Variants in TMEM39A observed in about 807,000 individuals in gnomAD.
TMEM39A encodes the protein suppressor of SQST-1 aggregates in rpl-43 mutants.
A neutral mutation model predicts 51.9 loss-of-function variants in TMEM39A; 19 were observed. The ratio of observed to expected loss-of-function variants is 0.37; its 90% confidence interval spans 0.26 to 0.54. TMEM39A has a LOEUF of 0.54. TMEM39A is among the 20% of genes least tolerant of loss of function. The pLI is 0.88. For synonymous variants in TMEM39A, 197 were observed against 220.2 expected, an observed-to-expected ratio of 0.89 and a Z score of 0.93; for missense variants, 433 against 590.5, an observed-to-expected ratio of 0.73 and a Z score of 2.76.
At chr3:119,447,392 T>G (rs1237015694) in intron 4 of TMEM39A, among the ~76,000 whole-genome samples, 1 of 152,172 alleles carries the variant, frequency 6.6e-6, no homozygotes, top group Non-Finnish European at 1.5e-5. Context: ...GAGAGTGCCA[T>G]CTACAGAACT....
At position 119,462,049 on chromosome 3, in the gene TMEM39A, C is replaced by T; in HGVS notation, c.26G>A (p.Ser9Asn). The T allele has an allele frequency of 3.1e-6, 5 of 1,614,162 alleles. No homozygotes were observed. Among genetic ancestry groups the T allele is most frequent in the Non-Finnish European group, 4.2e-6 (5 of 1,180,000 alleles). ...AGCTGAACGGCTTAGCTGTTGCCGA[C>T]TAGGGCCCCTCCTTCCACCGGGCAT... MPGGRRGP[S>N]RQQLSRSALP... Residue 9 changes from serine to asparagine, a missense_variant, in exon 2 of 9, where the codon AGT becomes AAT. Ser to Asn is a conservative substitution (Grantham distance 46). Around this residue, in one of 3 missense-constraint regions of TMEM39A, gnomAD observed 170 missense variants for 239.8 expected, o/e 0.71. Coordinates refer to ENST00000319172, the MANE Select transcript of TMEM39A (RefSeq NM_018266.3).
chr3:119,434,951 G>T, intron 7 of TMEM39A, 69 bp from the exon 8 acceptor site: 1 of 1,554,652 alleles, frequency 6.4e-7, no homozygotes. Context: ...GGCAAGGCCA[G>T]CTGTATTTTT....
At chr3:119,448,530 T>C (rs1210489950) in intron 4 of TMEM39A, among the ~76,000 whole-genome samples, 1 of 152,212 alleles carries the variant, frequency 6.6e-6, no homozygotes, top group South Asian at 2.1e-4. Context: ...ATATACAGCA[T>C]ATATACGTAA....
At chr3:119,445,378 C>T (rs1249925635) in intron 5 of TMEM39A, among the ~76,000 whole-genome samples, 2 of 152,160 alleles carry the variant, frequency 1.3e-5, no homozygotes, top group Non-Finnish European at 2.9e-5. Context: ...GATTCTTCTG[C>T]CTCAGCCTCC....
chr3:119,456,457 A>G (rs935435537), intron 3 of TMEM39A, among the ~76,000 whole-genome samples: 1 of 152,226 alleles, frequency 6.6e-6, no homozygotes, highest in Admixed American at 6.5e-5. Context: ...AAAAATTTTT[A>G]TTCTCTTTCC....
intron 5 of TMEM39A, among the ~76,000 whole-genome samples, chr3:119,440,354 A>T (rs2081034465): frequency 6.6e-6 from 1 of 152,242 alleles, no homozygotes; most frequent in Admixed American, 6.5e-5. Context: ...AAAGAAAATA[A>T]TTCATTAAAG....
chr3:119,434,809 G>A lies in TMEM39A; in HGVS notation c.1186C>T (p.Pro396Ser). 1.9e-6 allele frequency: 3 copies of A among 1,613,742 alleles called. No homozygotes were observed. The highest frequency in any genetic ancestry group is 2.5e-6 in the Non-Finnish European group (3 of 1,179,714). ...HSRCLYRAMG[P>S]YNVAVPSDVS... is the part of the protein sequence containing the mutation. ...TCTGAAGGCACTGCCACGTTGTAAG[G>A]CCCCATGGCTCTATATAAACATCTG... Residue 396 changes from proline (P) to serine (S), a missense_variant, in exon 8 of 9, where the codon CCT (proline) becomes TCT (serine). Transcript: ENST00000319172.
chr3:119,460,292 G>A (rs1194389275), intron 2 of TMEM39A, among the ~76,000 whole-genome samples: 2 of 152,090 alleles, frequency 1.3e-5, no homozygotes, highest in African/African-American at 4.8e-5. Flanking sequence ...AAGAGCTACA[G>A]TGAAGGCAGA....
At chr3:119,459,184 A>T (rs556182386) in intron 2 of TMEM39A, among the ~76,000 whole-genome samples, 1 of 152,378 alleles carries the variant, frequency 6.6e-6, no homozygotes, top group South Asian at 2.1e-4. Context: ...ACTAGTAAAC[A>T]GTTCCCTACA....
chr3:119,457,217 G>A lies in TMEM39A; in HGVS notation c.336+801C>T, dbSNP rs1233345972. Among the ~76,000 whole-genome samples the A allele has an allele frequency of 5.3e-5, 8 of 152,196 alleles. No homozygotes were observed. The South Asian group carries it at 6.2e-4, about 12-fold the overall frequency. On this transcript the variant is annotated intron_variant, in intron 3 of 8. Transcript: ENST00000319172. ...GATCTCTTAACTTCGTGATCCGCCC[G>A]CATTAGCCTCCCAAAGTGCTGGGAT...
chr3:119,442,901 AAAC>A (rs2081074187), intron 5 of TMEM39A, among the ~76,000 whole-genome samples: 1 of 151,882 alleles, frequency 6.6e-6, no homozygotes. Flanking sequence ...CTCTACAAAA[AAAC>A]AAAATACAAA....
intron 4 of TMEM39A, chr3:119,451,114 A>T (rs1310183749): frequency 2.2e-6 from 1 of 464,298 alleles, no homozygotes; most frequent in Non-Finnish European, 3.1e-6. Flanking sequence ...AATATAACAA[A>T]AAGTGAGTTT....
At position 119,431,822 on chromosome 3, in the gene TMEM39A, G is replaced by T; in HGVS notation, c.*159C>A. ...AACACATGAAAGATCACATCACCTT[G>T]TTTACGGATACATTTAATATCCCTT... On this transcript the variant is annotated 3_prime_UTR_variant, in exon 9 of 9. Coordinates refer to ENST00000319172, the MANE Select transcript of TMEM39A (RefSeq NM_018266.3). The T allele has an allele frequency of 2.0e-6, 1 of 510,446 alleles. No individual in the cohort carries two copies. Among genetic ancestry groups the T allele is most frequent in the Non-Finnish European group, 3.4e-6 (1 of 296,088 alleles). 31.6% of individuals were successfully genotyped at this position (510,446 alleles called of 1,614,324 possible).
intron 5 of TMEM39A, among the ~76,000 whole-genome samples, chr3:119,445,184 A>T (rs2081107487): frequency 6.6e-6 from 1 of 152,152 alleles, no homozygotes; most frequent in Non-Finnish European, 1.5e-5. Context: ...TTGACAGGGG[A>T]TTAAGTCACA....
chr3:119,445,035 G>A (rs563431010), intron 5 of TMEM39A, among the ~76,000 whole-genome samples: 35 of 151,770 alleles, frequency 2.3e-4, no homozygotes, highest in African/African-American at 7.5e-4. Flanking sequence ...AGCTGAGATC[G>A]CTCTACTGCA....
chr3:119,434,933 T>C (rs368044059), intron 7 of TMEM39A, 51 bp from the exon 8 acceptor site: 111 of 1,591,064 alleles, frequency 7.0e-5, no homozygotes, highest in Non-Finnish European at 8.9e-5. Context: ...ACAGATAAGA[T>C]AGCATCTGGC....
rs1396514245 is a variant in TMEM39A, at chr3:119,428,973, G to A, written c.*3008C>T. Among the ~76,000 whole-genome samples, 2 of 152,058 alleles carry A rather than the reference G, an allele frequency of 1.3e-5. No individual in the cohort carries two copies. Among genetic ancestry groups the A allele is most frequent in the Non-Finnish European group, 1.5e-5 (1 of 67,972 alleles). On this transcript the variant is annotated 3_prime_UTR_variant, in exon 9 of 9. Transcript: ENST00000319172. ...CTTATTTGAAGTACTTATGAAAAGA[G>A]CACTTTATTGGGCTTCACACTCAAG...
chr3:119,450,038 G>A (rs1577060401), intron 4 of TMEM39A, among the ~76,000 whole-genome samples: 2 of 152,206 alleles, frequency 1.3e-5, no homozygotes, highest in East Asian at 1.9e-4. Context: ...TTAATGGAAG[G>A]AAGGAAAGAT....
At chr3:119,443,087 A>AAAAAAC (rs199691444) in intron 5 of TMEM39A, among the ~76,000 whole-genome samples, 10 of 133,538 alleles carry the variant, frequency 7.5e-5, no homozygotes, top group Admixed American at 7.7e-5. Context: ...AAAAAAAAAA[A>AAAAAAC]GTGAAGCCTG....
Sources: allele counts gnomAD v4.1 joint callset (sites outside exome capture counted in the v4.1 genomes callset), GRCh38; gene constraint gnomAD v4.1.1; regional missense constraint gnomAD v4.1.1; transcripts MANE v1.5; gene names NCBI Gene and HGNC (gene_info 2026-07-23, HGNC 2026-07-21).